SV2C: variants seen among roughly 807,000 people sequenced by gnomAD.
SV2C encodes the protein solute carrier family 22 member B3.
Under a neutral mutation model 79.7 loss-of-function variants are expected in SV2C, and 49 were observed. The observed-to-expected ratio is 0.61, with a 90% CI of 0.49 to 0.78. The LOEUF is 0.78. Among genes scored for constraint, SV2C ranks in the 30% least tolerant of loss-of-function variants. The pLI, the probability that SV2C is intolerant of heterozygous loss-of-function variation, is 0.00. For missense variants in SV2C, 833 were observed against 912.9 expected, an observed-to-expected ratio of 0.91 and a Z score of 1.13; for synonymous variants, 334 against 333.2, an observed-to-expected ratio of 1.00 and a Z score of -0.03.
the SV2C span, among the ~76,000 whole-genome samples, chr5:75,905,239 G>A: frequency 6.6e-6 from 1 of 152,034 alleles, no homozygotes. Flanking sequence ...TTTTTCATTT[G>A]CTTCCATCCA....
intron 4 of SV2C, among the ~76,000 whole-genome samples, chr5:76,230,528 G>T (rs925832158): frequency 6.6e-6 from 1 of 152,140 alleles, no homozygotes; most frequent in Non-Finnish European, 1.5e-5. Flanking sequence ...GCATGGCTGG[G>T]CGTGGTGATC....
Position 76,131,646 on chromosome 5 carries a change from G to A in SV2C, c.-101-4G>A, listed in dbSNP as rs139159169. ...AAGTATCTCCTCTATTTCTTCTTTC[G>A]CAGTTCTGTTTTGAACCCAAAGTGG... On this transcript the variant is annotated splice_polypyrimidine_tract_variant and splice_region_variant and intron_variant, in intron 1 of 12. Coordinates refer to ENST00000502798, the MANE Select transcript of SV2C (RefSeq NM_014979.4). The A allele has an allele frequency of 5.9e-5, 47 of 792,646 alleles. No individual in the cohort carries two copies. The African/African-American group carries it at 6.2e-4, about 10-fold the overall frequency. The allele number at this position is 792,646 out of a possible 1,614,324, so 49.1% of individuals were successfully genotyped here.
At chr5:75,891,608 C>A in the SV2C span, among the ~76,000 whole-genome samples, 1 of 152,068 alleles carries the variant, frequency 6.6e-6, no homozygotes, top group Non-Finnish European at 1.5e-5. Flanking sequence ...TTCATCGTTT[C>A]TGATGAATAA....
intron 2 of SV2C, among the ~76,000 whole-genome samples, chr5:76,188,553 C>G (rs1483683836): frequency 2.0e-5 from 3 of 152,154 alleles, no homozygotes; most frequent in Non-Finnish European, 4.4e-5. Context: ...AGAATGAAGA[C>G]TAAGCATACT....
At chr5:76,023,690 A>G in the SV2C span, among the ~76,000 whole-genome samples, 1 of 143,816 alleles carries the variant, frequency 7.0e-6, no homozygotes, top group Middle Eastern at 3.6e-3. Context: ...GTGTGTATAT[A>G]TATATATATG....
intron 2 of SV2C, among the ~76,000 whole-genome samples, chr5:76,174,491 AAGAG>A (rs547866565): frequency 4.7e-4 from 72 of 152,282 alleles, no homozygotes; most frequent in Non-Finnish European, 7.8e-4. Flanking sequence ...TGGAACAAGA[AAGAG>A]AGAGATCCTG....
chr5:76,347,497 T>C (rs1416556869), intron 12 of SV2C, among the ~76,000 whole-genome samples: 1 of 152,116 alleles, frequency 6.6e-6, no homozygotes, highest in Non-Finnish European at 1.5e-5. Context: ...CAAGCTGGAG[T>C]GCAGGGGTGC....
intron 1 of SV2C, among the ~76,000 whole-genome samples, chr5:76,121,195 G>A (rs893068922): frequency 2.6e-5 from 4 of 151,980 alleles, no homozygotes; most frequent in Admixed American, 2.0e-4. Context: ...CATATCCTTT[G>A]CCCACTTTTT....
chr5:76,002,889 A>ATAT, the SV2C span, among the ~76,000 whole-genome samples: 2 of 134,036 alleles, frequency 1.5e-5, no homozygotes, highest in Non-Finnish European at 3.4e-5. Flanking sequence ...ATATGTAAAT[A>ATAT]AAGTAACCAG....
chr5:76,131,939 A>G lies in SV2C; in HGVS notation c.189A>G (p.Glu63=), dbSNP rs1208124904. 1.2e-6 allele frequency: 2 copies of G among 1,613,996 alleles called. No individual in the cohort carries two copies. Among genetic ancestry groups the G allele is most frequent in the Non-Finnish European group, 8.5e-7 (1 of 1,180,004 alleles). The change falls in exon 2 of 13, where the codon GAA becomes GAG. Residue 63 remains glutamate, a synonymous_variant. Transcript: ENST00000502798. ...ATGATGACTACTACCCGGCTGGAGA[A>G]ACCTATAATGGTGAGGCCAACGATG... ...EDDDDYYPAG[E]TYNGEANDDE...
chr5:75,971,976 A>G, the SV2C span, among the ~76,000 whole-genome samples: 1 of 152,032 alleles, frequency 6.6e-6, no homozygotes, highest in African/African-American at 2.4e-5. Context: ...ACCAAAACAG[A>G]GATACAGACT....
At chr5:76,086,877 C>G (rs1747216655) in intron 1 of SV2C, among the ~76,000 whole-genome samples, 1 of 152,152 alleles carries the variant, frequency 6.6e-6, no homozygotes, top group South Asian at 2.1e-4. Context: ...AACAACCCCT[C>G]CTAATTAGGG....
At chr5:76,093,646 C>T (rs974370092) in intron 1 of SV2C, among the ~76,000 whole-genome samples, 1 of 152,188 alleles carries the variant, frequency 6.6e-6, no homozygotes, top group Non-Finnish European at 1.5e-5. Context: ...ATGCAACAAA[C>T]TGACTTCCAG....
chr5:76,315,219 CAT>C (rs797015692), intron 12 of SV2C, among the ~76,000 whole-genome samples: 1 of 148,166 alleles, frequency 6.7e-6, no homozygotes, highest in Non-Finnish European at 1.5e-5. Context: ...CACACACACA[CAT>C]AATAGATACT....
rs759427459 is a variant in SV2C at position 76,183,030 on chromosome 5, A to AT, written c.581-11866dup. Among the ~76,000 whole-genome samples the AT allele has an allele frequency of 1.6e-3, 159 of 102,036 alleles. 4 individuals carry two copies. Among genetic ancestry groups the AT allele is most frequent in the South Asian group, 2.0e-3 (6 of 3,020 alleles). 66.9% of individuals were successfully genotyped at this position (102,036 alleles called of 152,430 possible). On this transcript the variant is annotated intron_variant, in intron 2 of 12. Transcript: ENST00000502798. Reference sequence around the variant, plus strand: ...TGACCACATCTCATGAGAACCTACCATTTTTTTTTTTTTTTTTTTTTTTGA... The same window carrying AT: ...TGACCACATCTCATGAGAACCTACCATTTTTTTTTTTTTTTTTTTTTTTTGA...
intron 3 of SV2C, among the ~76,000 whole-genome samples, chr5:76,203,929 T>C (rs1207565843): frequency 2.0e-5 from 3 of 152,234 alleles, no homozygotes; most frequent in African/African-American, 7.2e-5. Flanking sequence ...ATGAGTTAGG[T>C]TACCAGTATG....
chr5:76,202,455 A>G (rs753638929), intron 3 of SV2C, among the ~76,000 whole-genome samples: 4 of 152,224 alleles, frequency 2.6e-5, no homozygotes, highest in Non-Finnish European at 5.9e-5. Flanking sequence ...GTCTGGCTCC[A>G]GGGCCCATGC....
At chr5:75,994,018 T>G in the SV2C span, among the ~76,000 whole-genome samples, 1 of 152,094 alleles carries the variant, frequency 6.6e-6, no homozygotes, top group Non-Finnish European at 1.5e-5. Flanking sequence ...AAATTTTTCC[T>G]TAAAATCCCA....
chr5:75,868,510 C>T, the SV2C span, among the ~76,000 whole-genome samples: 29 of 152,148 alleles, frequency 1.9e-4, no homozygotes, highest in East Asian at 4.6e-3. Context: ...CAAACAAAAA[C>T]AAAAACAAAA....
Sources: allele counts gnomAD v4.1 joint callset (sites outside exome capture counted in the v4.1 genomes callset), GRCh38; gene constraint gnomAD v4.1.1; transcripts MANE v1.5; gene names NCBI Gene and HGNC (gene_info 2026-07-23, HGNC 2026-07-21).